RAB38: variants seen among roughly 807,000 people sequenced by gnomAD.
The protein encoded by RAB38 is ras-related protein Rab-38.
A neutral mutation model predicts 18.4 loss-of-function variants in RAB38; 15 were observed. The observed-to-expected ratio is 0.82, with a 90% CI of 0.55 to 1.26. The LOEUF is 1.26. Among genes scored for constraint, RAB38 ranks in the 50% most tolerant of loss-of-function variants. The probability of loss-of-function intolerance (pLI) is 0.00; values close to 1 mark genes in which losing one functional copy is unlikely to be tolerated. For synonymous variants in RAB38, 101 were observed against 104.4 expected, an observed-to-expected ratio of 0.97 and a Z score of 0.20; for missense variants, 294 against 267.4, an observed-to-expected ratio of 1.10 and a Z score of -0.69.
At chr11:88,168,775 TC>T (rs1943273867) in intron 1 of RAB38, among the ~76,000 whole-genome samples, 1 of 152,180 alleles carries the variant, frequency 6.6e-6, no homozygotes, top group Non-Finnish European at 1.5e-5. Flanking sequence ...AGGAGAGACA[TC>T]CTGGGTTTCC....
chr11:87,805,399 A>AT, the RAB38 span, among the ~76,000 whole-genome samples: 11,034 of 151,534 alleles, frequency 0.073, 482 homozygotes, highest in African/African-American at 0.11. Context: ...TATCTATGTC[A>AT]TTTTTTTTCC....
chr11:87,842,816 GCA>G, the RAB38 span, among the ~76,000 whole-genome samples: 85,639 of 147,002 alleles, frequency 0.58, 25,043 homozygotes, highest in Non-Finnish European at 0.65. Flanking sequence ...ACACGCGCGC[GCA>G]CACACACACA....
the RAB38 span, among the ~76,000 whole-genome samples, chr11:88,070,030 G>C: frequency 4.6e-5 from 7 of 152,186 alleles, no homozygotes; most frequent in Admixed American, 3.3e-4. Flanking sequence ...CAGGCTGTCC[G>C]AGTCAGCAGA....
the RAB38 span, among the ~76,000 whole-genome samples, chr11:87,821,850 T>TA: frequency 0.056 from 7,372 of 130,682 alleles, 240 homozygotes; most frequent in Admixed American, 0.11. Context: ...CACTCCGTCT[T>TA]AAAAAAAAAA....
rs1591181780 is a variant in RAB38, at chr11:88,172,514, G to A, written c.202+2669C>T. On this transcript the variant is annotated intron_variant, in intron 1 of 2. Transcript: ENST00000243662. ...GTATATGATATCCTATCAGAACAGT[G>A]CAGGTCTTCTCTATCTCATTGAACA... Among the ~76,000 whole-genome samples the A allele has an allele frequency of 2.6e-5, 4 of 152,300 alleles. No homozygotes were observed. The South Asian group carries it at 8.3e-4, about 32-fold the overall frequency.
At chr11:88,087,020 G>T in the RAB38 span, among the ~76,000 whole-genome samples, 1 of 151,920 alleles carries the variant, frequency 6.6e-6, no homozygotes, top group Non-Finnish European at 1.5e-5. Flanking sequence ...GTCTTGTAAT[G>T]CAACTTTCAA....
At chr11:88,154,437 T>A (rs529030401) in intron 1 of RAB38, among the ~76,000 whole-genome samples, 1 of 152,290 alleles carries the variant, frequency 6.6e-6, no homozygotes, top group East Asian at 1.9e-4. Flanking sequence ...CAGTTTCTAC[T>A]GGGCAGTAAT....
the RAB38 span, among the ~76,000 whole-genome samples, chr11:88,040,956 G>A: frequency 1.3e-5 from 2 of 152,156 alleles, no homozygotes; most frequent in African/African-American, 4.8e-5. Context: ...CAAATCTAAT[G>A]CTGTACTAAC....
the RAB38 span, among the ~76,000 whole-genome samples, chr11:88,099,321 C>T: frequency 6.6e-6 from 1 of 150,864 alleles, no homozygotes; most frequent in Non-Finnish European, 1.5e-5. Flanking sequence ...GACTTTTATG[C>T]CCTAGAGCTC....
At chr11:87,953,352 T>G in the RAB38 span, among the ~76,000 whole-genome samples, 1 of 152,192 alleles carries the variant, frequency 6.6e-6, no homozygotes, top group African/African-American at 2.4e-5. Context: ...CTTCAATTCT[T>G]TCCAGCTTTT....
chr11:88,098,109 A>G, the RAB38 span: 7 of 151,932 alleles, frequency 4.6e-5, no homozygotes, highest in Non-Finnish European at 8.8e-5. Context: ...ATACATAAAT[A>G]AATAAATAGA....
chr11:88,043,602 A>ACCCCCCCCCCCCTGCCC, the RAB38 span, among the ~76,000 whole-genome samples: 1 of 114,324 alleles, frequency 8.7e-6, no homozygotes, highest in Non-Finnish European at 1.7e-5. Flanking sequence ...GCACCTTGTG[A>ACCCCCCCCCCCCTGCCC]CCCCCCCACC....
the RAB38 span, among the ~76,000 whole-genome samples, chr11:88,021,946 G>A: frequency 6.6e-6 from 1 of 151,228 alleles, no homozygotes; most frequent in South Asian, 2.1e-4. Flanking sequence ...TGGGATTACA[G>A]GCATGAGCCA....
At chr11:87,960,603 A>G in the RAB38 span, among the ~76,000 whole-genome samples, 2 of 152,200 alleles carry the variant, frequency 1.3e-5, no homozygotes, top group African/African-American at 4.8e-5. Context: ...GAGGAAACTG[A>G]GGTTACTTTC....
chr11:87,815,361 A>T, the RAB38 span: 1 of 152,264 alleles, frequency 6.6e-6, no homozygotes, highest in South Asian at 2.1e-4. Flanking sequence ...CTCTGGCTTA[A>T]TGTGGGGTGG....
the RAB38 span, among the ~76,000 whole-genome samples, chr11:87,941,215 A>ATATATATATATATATATATATG: frequency 1.5e-4 from 1 of 6,744 alleles, no homozygotes; most frequent in Non-Finnish European, 3.0e-4. Context: ...AATATATGAG[A>ATATATATATATATATATATATG]TATATATATA....
chr11:87,885,627 G>C, the RAB38 span, among the ~76,000 whole-genome samples: 1 of 151,912 alleles, frequency 6.6e-6, no homozygotes, highest in Non-Finnish European at 1.5e-5. Context: ...AAATACTTCT[G>C]TACCTCACCT....
chr11:88,040,208 C>G, the RAB38 span, among the ~76,000 whole-genome samples: 1 of 152,156 alleles, frequency 6.6e-6, no homozygotes, highest in South Asian at 2.1e-4. Context: ...TCTCACAGTT[C>G]TGGGGGTTAG....
chr11:87,839,650 C>A, the RAB38 span, among the ~76,000 whole-genome samples: 1 of 152,238 alleles, frequency 6.6e-6, no homozygotes, highest in South Asian at 2.1e-4. Context: ...ATCTTATCAG[C>A]AGAAGTAGAA....
Sources: gnomAD v4.1 joint callset for allele counts (sites outside exome capture counted in the v4.1 genomes callset) on GRCh38, gnomAD v4.1.1 for gene constraint, MANE v1.5 for transcripts, NCBI Gene and HGNC (gene_info 2026-07-23, HGNC 2026-07-21) for gene names.